The following LNX1 variants were observed in gnomAD, a reference collection of about 807,000 sequenced individuals.
The protein encoded by LNX1 is E3 ubiquitin-protein ligase LNX.
In LNX1, 54 loss-of-function variants were observed where a neutral mutation model predicts 68.4. That is an observed-to-expected ratio of 0.79 (90% CI 0.63 to 0.99). LNX1 has a LOEUF of 0.99. Ranked by LOEUF, LNX1 falls within the 50% of genes least tolerant of loss-of-function variation. LNX1 has a pLI of 0.00. For synonymous variants in LNX1, 336 were observed against 350.0 expected (o/e 0.96, Z 0.45); for missense variants, 906 against 926.4 (o/e 0.98, Z 0.29).
intron 1 of LNX1, among the ~76,000 whole-genome samples, chr4:53,587,252 G>C (rs985895219): frequency 6.6e-6 from 1 of 152,162 alleles, no homozygotes; most frequent in African/African-American, 2.4e-5. Flanking sequence ...GAAAGTTTAC[G>C]GGAGACAACA....
chr4:53,592,782 G>A (rs1338764018), upstream of LNX1, among the ~76,000 whole-genome samples: 1 of 152,148 alleles, frequency 6.6e-6, no homozygotes, highest in East Asian at 1.9e-4. Context: ...GGAGAGGGAA[G>A]AAAAGGAAGT....
At chr4:53,471,865 A>G (rs1723211384) in intron 9 of LNX1, among the ~76,000 whole-genome samples, 1 of 152,236 alleles carries the variant, frequency 6.6e-6, no homozygotes, top group Admixed American at 6.5e-5. Context: ...GTGGAGAAAT[A>G]GAAACACTTT....
intron 2 of LNX1, among the ~76,000 whole-genome samples, chr4:53,513,826 G>T (rs1726543555): frequency 1.3e-5 from 2 of 152,314 alleles, no homozygotes; most frequent in South Asian, 4.2e-4. Flanking sequence ...CAGCCACAGT[G>T]ATCTTTTCAT....
chr4:53,545,956 C>T (rs1451668713), intron 2 of LNX1, among the ~76,000 whole-genome samples: 3 of 152,036 alleles, frequency 2.0e-5, no homozygotes, highest in Non-Finnish European at 4.4e-5. Flanking sequence ...TACAGTGCAC[C>T]TCACCATGCC....
At chr4:53,465,926 C>T (rs1280749762) in intron 9 of LNX1, among the ~76,000 whole-genome samples, 1 of 152,130 alleles carries the variant, frequency 6.6e-6, no homozygotes, top group Admixed American at 6.5e-5. Flanking sequence ...TATAGGAAGT[C>T]CACAAAGTAT....
At chr4:53,615,818 G>A (rs1053595125) in intron 2 of LNX1, among the ~76,000 whole-genome samples, 20 of 152,258 alleles carry the variant, frequency 1.3e-4, no homozygotes, top group South Asian at 6.2e-4. Flanking sequence ...TACATGAGAT[G>A]TTTTGATACA....
At chr4:53,570,591 C>G (rs942010743) in intron 2 of LNX1, among the ~76,000 whole-genome samples, 12 of 151,000 alleles carry the variant, frequency 7.9e-5, no homozygotes, top group African/African-American at 2.7e-4. Flanking sequence ...GTGCAGCACA[C>G]CAGCATGGCA....
At chr4:53,606,981 A>G (rs1733260074) in intron 2 of LNX1, among the ~76,000 whole-genome samples, 1 of 152,204 alleles carries the variant, frequency 6.6e-6, no homozygotes, top group Admixed American at 6.5e-5. Flanking sequence ...GCCACCTATT[A>G]CAAACCCACA....
At chr4:53,471,944 C>T (rs1316601491) in intron 9 of LNX1, among the ~76,000 whole-genome samples, 1 of 152,160 alleles carries the variant, frequency 6.6e-6, no homozygotes, top group Non-Finnish European at 1.5e-5. Flanking sequence ...CCTCAGGGAT[C>T]TAGAACTGGA....
At chr4:53,569,305 C>T (rs1317422514) in intron 2 of LNX1, among the ~76,000 whole-genome samples, 1 of 145,908 alleles carries the variant, frequency 6.9e-6, no homozygotes, top group African/African-American at 2.5e-5. Context: ...GTACTGGTAC[C>T]AAAACAGAGA....
intron 1 of LNX1, among the ~76,000 whole-genome samples, chr4:53,640,249 G>T (rs1486254075): frequency 1.3e-5 from 2 of 152,160 alleles, no homozygotes; most frequent in African/African-American, 4.8e-5. Flanking sequence ...AGGCGAGGAA[G>T]CACTGCCTAA....
chr4:53,640,311 T>A (rs1432121354), intron 1 of LNX1, among the ~76,000 whole-genome samples: 1 of 152,076 alleles, frequency 6.6e-6, no homozygotes, highest in East Asian at 1.9e-4. Context: ...AAGGAGACAA[T>A]GATAGAGAAG....
chr4:53,465,610 A>G (rs143979542), intron 9 of LNX1, among the ~76,000 whole-genome samples: 4 of 152,282 alleles, frequency 2.6e-5, no homozygotes, highest in East Asian at 3.9e-4. Flanking sequence ...TTCACCAACA[A>G]TGTAAACTTC....
At position 53,591,432 on chromosome 4, in the gene LNX1, G is replaced by T; in HGVS notation, c.-131C>A. 1 of 985,766 alleles carries T rather than the reference G, an allele frequency of 1.0e-6. No individual in the cohort carries two copies. Among genetic ancestry groups the T allele is most frequent in the Non-Finnish European group, 1.2e-6 (1 of 830,256 alleles). 61.1% of individuals were successfully genotyped at this position (985,766 alleles called of 1,614,324 possible). On this transcript the variant is annotated 5_prime_UTR_variant, in exon 1 of 11. Coordinates refer to ENST00000263925, the MANE Select transcript of LNX1 (RefSeq NM_001126328.3). ...GGGCTCTCCAAGCAGCAGCAGGCAG[G>T]CAGCTCTCATTCCTTGTGGGTGAAC...
At chr4:53,557,947 G>C in intron 2 of LNX1, 4 of 1,613,614 alleles carry the variant, frequency 2.5e-6, no homozygotes, top group Non-Finnish European at 3.4e-6. Flanking sequence ...GGCAAGACCA[G>C]CAACAGAAGC....
At chr4:53,463,893 C>G (rs1160970041) in intron 9 of LNX1, among the ~76,000 whole-genome samples, 1 of 152,066 alleles carries the variant, frequency 6.6e-6, no homozygotes, top group African/African-American at 2.4e-5. Context: ...TGACTTTGAA[C>G]TAAGTCTGCA....
At chr4:53,550,945 C>T (rs577403614) in intron 2 of LNX1, among the ~76,000 whole-genome samples, 14 of 152,292 alleles carry the variant, frequency 9.2e-5, no homozygotes, top group South Asian at 6.2e-4. Flanking sequence ...AAGCCTGGAA[C>T]GCCCAGCTGG....
At chr4:53,627,433 C>T (rs1734118753) in intron 1 of LNX1, among the ~76,000 whole-genome samples, 1 of 152,066 alleles carries the variant, frequency 6.6e-6, no homozygotes, top group East Asian at 1.9e-4. Context: ...AATTCCCTTC[C>T]AAATAACTTG....
intron 1 of LNX1, among the ~76,000 whole-genome samples, chr4:53,627,554 C>G (rs1183699920): frequency 6.6e-6 from 1 of 152,110 alleles, no homozygotes; most frequent in Non-Finnish European, 1.5e-5. Flanking sequence ...TGAATTGATG[C>G]CCCCTAACTC....
Sources: gnomAD v4.1 joint callset for allele counts (sites outside exome capture counted in the v4.1 genomes callset) on GRCh38, gnomAD v4.1.1 for gene constraint, MANE v1.5 for transcripts, NCBI Gene and HGNC (gene_info 2026-07-23, HGNC 2026-07-21) for gene names.